The following XAF1 variants were observed in gnomAD, a reference collection of about 807,000 sequenced individuals.
The protein encoded by XAF1 is XIAP-associated factor 1.
Under a neutral mutation model 32.3 loss-of-function variants are expected in XAF1, and 32 were observed. The observed-to-expected ratio is 0.99, with a 90% CI of 0.75 to 1.33. The LOEUF (loss-of-function observed/expected upper bound fraction) is 1.33. Among genes scored for constraint, XAF1 ranks in the 40% most tolerant of loss-of-function variants. The pLI is 0.00. For missense variants in XAF1, 379 were observed against 366.0 expected, an observed-to-expected ratio of 1.04 and a Z score of -0.29; for synonymous variants, 120 against 125.9, an observed-to-expected ratio of 0.95 and a Z score of 0.31.
At chr17:6,768,950 A>G (rs1042498647) in intron 5 of XAF1, among the ~76,000 whole-genome samples, 1 of 152,084 alleles carries the variant, frequency 6.6e-6, no homozygotes, top group African/African-American at 2.4e-5. Flanking sequence ...TGAATTCCCA[A>G]CATTCCCCAA....
At position 6,761,941 on chromosome 17, in the gene XAF1, T is replaced by G. The variant is rs1277877458; in HGVS notation, c.422-214T>G. 9 of 1,519,694 alleles carry G rather than the reference T, an allele frequency of 5.9e-6. No homozygotes were observed. The East Asian group carries it at 1.8e-4, about 30-fold the overall frequency. 94.1% of individuals were successfully genotyped at this position (1,519,694 alleles called of 1,614,324 possible). On this transcript the variant is annotated intron_variant, in intron 4 of 6. Transcript: ENST00000361842. The stretch of plus-strand genomic sequence containing the variant: ...CCATTACGGTTGCTGCTGCCCTGAG[T>G]GCACATCTGTGGCCATAAAGGAAAT...
Position 6,758,202 on chromosome 17 carries a change from A to G in XAF1, c.146A>G (p.His49Arg). The change falls in exon 2 of 7, where the codon CAC (histidine) becomes CGC (arginine). Residue 49 changes from histidine to arginine, a missense_variant. Coordinates refer to ENST00000361842, the MANE Select transcript of XAF1 (RefSeq NM_017523.5). ...EPVPKETMEE[H>R]CKLEHQQVGC... ...GTCCCCAAGGAAACCATGGAGGAGC[A>G]CTGCAAGCTTGAGCACCAGCAGGTG... 1.2e-6 allele frequency: 2 copies of G among 1,614,176 alleles called. No homozygotes were observed. The highest frequency in any genetic ancestry group is 2.2e-5 in the East Asian group (1 of 44,876).
chr17:6,756,206 T>C (rs1974639868), intron 1 of XAF1, 96 bp downstream of exon 1: 3 of 1,603,662 alleles, frequency 1.9e-6, no homozygotes, highest in Middle Eastern at 1.7e-4. Flanking sequence ...AAGTGGTTCC[T>C]GCATAAGAAC....
rs559705458 is a variant in XAF1, at chr17:6,757,811, G to C, written c.33-278G>C. On this transcript the variant is annotated intron_variant, in intron 1 of 6. Transcript: ENST00000361842. ...AATGAAGCTTCCTGTCACCCCAAAA[G>C]CTCCCCATGCCCCTTTGTAATTCCT... Among the ~76,000 whole-genome samples the C allele has an allele frequency of 5.3e-5, 8 of 152,084 alleles. No homozygotes were observed. The East Asian group carries it at 1.6e-3, about 29-fold the overall frequency.
Position 6,770,750 on chromosome 17 carries a change from G to A in XAF1, c.615G>A (p.Thr205=), listed in dbSNP as rs143903776. The part of the protein sequence containing the change: ...PSQAAENQTS[T]MEKDVRPKTR... ...AAGCTGCTGAAAATCAAACTTCCAC[G>A]ATGGAGAAAGATGTTCGTCCAAAGA... The change falls in exon 6 of 7, where the codon ACG becomes ACA. Residue 205 remains threonine (T), a synonymous_variant. Coordinates refer to ENST00000361842, the MANE Select transcript of XAF1 (RefSeq NM_017523.5). The A allele has an allele frequency of 2.3e-4, 364 of 1,613,860 alleles. 6 individuals carry two copies. The Middle Eastern group carries it at 0.011, about 50-fold the overall frequency.
In XAF1 at chr17:6,773,156, G is replaced by A. The variant is rs1360168099; in HGVS notation, c.893G>A (p.Arg298Lys). The A allele has an allele frequency of 1.2e-6, 2 of 1,603,360 alleles. No homozygotes were observed. The highest frequency in any genetic ancestry group is 3.5e-5 in the Admixed American group (2 of 57,342). The change falls in exon 7 of 7, where the codon AGA becomes AAA. Residue 298 changes from arginine (R) to lysine (K), a missense_variant. Arg to Lys is a conservative substitution (Grantham distance 26). Transcript: ENST00000361842. ...WLASSKGKQV[R>K]NFS ...GCTTCATCAAAAGGAAAACAAGTGAGAAATTTCAGCTAGATTTGGAAAAGG... is the reference window on the plus strand; with the variant it reads ...GCTTCATCAAAAGGAAAACAAGTGAAAAATTTCAGCTAGATTTGGAAAAGG...
In XAF1 at chr17:6,760,467, G is replaced by A; in HGVS notation, c.287G>A (p.Ser96Asn). ...TTCTGCAAACTGGACATGCAGCTCA[G>A]CAAGCTGGAGCTCCACGAGTCCTAC... ...CKFCKLDMQL[S>N]KLELHESYCG... The change falls in exon 4 of 7, where the codon AGC (serine) becomes AAC (asparagine). Residue 96 changes from serine to asparagine, a missense_variant. Physicochemically the swap from Ser to Asn is conservative, Grantham distance 46. Coordinates refer to ENST00000361842, the MANE Select transcript of XAF1 (RefSeq NM_017523.5). 6.2e-7 allele frequency: 1 copy of A among 1,612,976 alleles called. No homozygotes were observed. The highest frequency in any genetic ancestry group is 8.5e-7 in the Non-Finnish European group (1 of 1,179,602).
intron 6 of XAF1, chr17:6,771,615 G>C (rs1286437704): frequency 1.3e-5 from 2 of 152,160 alleles, no homozygotes; most frequent in East Asian, 3.9e-4. Flanking sequence ...CCATTTTACA[G>C]ATAAGGTGAA....
At chr17:6,772,237 T>C (rs1276933041) in intron 6 of XAF1, among the ~76,000 whole-genome samples, 1 of 152,096 alleles carries the variant, frequency 6.6e-6, no homozygotes, top group Non-Finnish European at 1.5e-5. Context: ...ATTTAGCAAA[T>C]AAAAATACAG....
chr17:6,762,960 G>T (rs532113930), intron 5 of XAF1, among the ~76,000 whole-genome samples: 1 of 152,152 alleles, frequency 6.6e-6, no homozygotes, highest in African/African-American at 2.4e-5. Flanking sequence ...CCAGCTTTTC[G>T]CTCTTTTCTT....
intron 1 of XAF1, among the ~76,000 whole-genome samples, chr17:6,757,793 C>A (rs886406791): frequency 1.3e-5 from 2 of 152,040 alleles, no homozygotes; most frequent in Non-Finnish European, 2.9e-5. Flanking sequence ...GATAATGAAG[C>A]TTCCTGTCAC....
chr17:6,762,108 C>A (rs748749989), intron 4 of XAF1, 47 bp from the exon 5 acceptor site: 1 of 1,610,580 alleles, frequency 6.2e-7, no homozygotes, highest in Admixed American at 1.7e-5. Context: ...CTGGGCTAGC[C>A]GTTGACAAGG....
At chr17:6,772,414 T>C (rs1188555629) in intron 6 of XAF1, among the ~76,000 whole-genome samples, 1 of 151,840 alleles carries the variant, frequency 6.6e-6, no homozygotes, top group African/African-American at 2.4e-5. Context: ...TTTGGAGTCC[T>C]GTTATATACA....
rs186202043 is a variant in XAF1, at chr17:6,760,484, G to A, written c.304G>A (p.Glu102Lys). The change falls in exon 4 of 7, where the codon GAG (glutamate) becomes AAG (lysine). Residue 102 changes from glutamate to lysine, a missense_variant. Coordinates refer to ENST00000361842, the MANE Select transcript of XAF1 (RefSeq NM_017523.5). ...DMQLSKLELH[E>K]SYCGSRTELC... ...GCAGCTCAGCAAGCTGGAGCTCCAC[G>A]AGTCCTACTGTGGCAGCCGGACAGA... 66 of 1,613,270 alleles carry A rather than the reference G, an allele frequency of 4.1e-5. No individual in the cohort carries two copies. The East Asian group carries it at 7.1e-4, about 17-fold the overall frequency.
At position 6,774,211 on chromosome 17, in the gene XAF1, A is replaced by G. The variant is rs1034323675; in HGVS notation, c.*1042A>G. The G allele has an allele frequency of 3.9e-5, 6 of 152,358 alleles. No homozygotes were observed. The highest frequency in any genetic ancestry group is 1.4e-4 in the African/African-American group (6 of 41,578). The allele number at this position is 152,358 out of a possible 1,614,324, so 9.4% of individuals were successfully genotyped here. A position where few individuals can be genotyped will look rare whatever the true frequency, so the allele number is the denominator to read the frequency against. ...GGTACAAAAGCATGGTGCTGGTACA[A>G]AAGCAGACACATAGATCAATGGAAC... On this transcript the variant is annotated 3_prime_UTR_variant, in exon 7 of 7. Coordinates refer to ENST00000361842, the MANE Select transcript of XAF1 (RefSeq NM_017523.5).
At chr17:6,756,281 CT>C (rs1974648172) in intron 1 of XAF1, 171 bp downstream of exon 1, 1 of 1,314,502 alleles carries the variant, frequency 7.6e-7, no homozygotes, top group East Asian at 3.2e-5. Flanking sequence ...ACTTGGTAAT[CT>C]CTGGGTGGGG....
chr17:6,770,559 T>A (rs569238790), intron 5 of XAF1, 84 bp from the exon 6 acceptor site: 1,246 of 1,140,478 alleles, frequency 1.1e-3, no homozygotes, highest in Non-Finnish European at 1.4e-3. Flanking sequence ...CAGTGGGAAT[T>A]TCTTGTGTTA....
chr17:6,759,234 A>G (rs1270017807), intron 2 of XAF1: 21 of 1,075,120 alleles, frequency 2.0e-5, no homozygotes, highest in Non-Finnish European at 2.1e-5. Context: ...CAGTTTTCCT[A>G]TTTCCAATCC....
rs542314279 is a variant in XAF1, at chr17:6,756,322, G to A, written c.32+212G>A. The A allele has an allele frequency of 2.2e-6, 3 of 1,376,102 alleles. No homozygotes were observed. The Admixed American group carries it at 8.7e-5, about 40-fold the overall frequency. 85.2% of individuals were successfully genotyped at this position (1,376,102 alleles called of 1,614,324 possible). ...GCAGCATTACCTCCACTTCACTGCAGCCCCTTTCCCCCAAATGTTAGGCTT... is the reference window on the plus strand; with the variant it reads ...GCAGCATTACCTCCACTTCACTGCAACCCCTTTCCCCCAAATGTTAGGCTT... On this transcript the variant is annotated intron_variant, in intron 1 of 6. Transcript: ENST00000361842.
Sources: allele counts gnomAD v4.1 joint callset (sites outside exome capture counted in the v4.1 genomes callset), GRCh38; gene constraint gnomAD v4.1.1; transcripts MANE v1.5; gene names NCBI Gene and HGNC (gene_info 2026-07-23, HGNC 2026-07-21).